Variants in COL22A1 observed in about 807,000 individuals in gnomAD.
COL22A1 encodes the protein collagen type XXII alpha 1 chain, also known as collagen alpha-1(XXII) chain.
A neutral mutation model predicts 248.9 loss-of-function variants in COL22A1; 221 were observed. The ratio of observed to expected loss-of-function variants is 0.89; its 90% CI spans 0.80 to 0.99. The LOEUF (loss-of-function observed/expected upper bound fraction) is 0.99. COL22A1 is among the 50% of genes least tolerant of loss of function. The pLI is 0.00. For missense variants in COL22A1, 2,240 were observed against 2,179.0 expected, an observed-to-expected ratio of 1.03 and a Z score of -0.56; for synonymous variants, 891 against 793.4, an observed-to-expected ratio of 1.12 and a Z score of -2.07.
At position 138,811,934 on chromosome 8, in the gene COL22A1, C is replaced by G; in HGVS notation, c.1327-13G>C. 14 of 1,533,592 alleles carry G rather than the reference C, an allele frequency of 9.1e-6. No individual in the cohort carries two copies. The highest frequency in any genetic ancestry group is 1.1e-5 in the Non-Finnish European group (13 of 1,139,276). The allele number at this position is 1,533,592 out of a possible 1,614,324, so 95.0% of individuals were successfully genotyped here. A position where few individuals can be genotyped will look rare whatever the true frequency, so the allele number is the denominator to read the frequency against. ...CGGTCACCTGGCACTGGAAGGAAAG[C>G]CCAGGAGGTCAGAACCTGGCTCTTC... is the stretch of plus-strand genomic sequence containing the variant. On this transcript the variant is annotated splice_polypyrimidine_tract_variant and intron_variant, in intron 8 of 64. Transcript: ENST00000303045.
Position 138,830,591 on chromosome 8 carries a change from G to A in COL22A1, c.845+2448C>T, listed in dbSNP as rs541937392. On this transcript the variant is annotated intron_variant, in intron 5 of 64. Transcript: ENST00000303045. ...CAGAGAACAGGAAGGAGCCAAATCC[G>A]TGACCGGAATCGGGGTCCCATGCTG... Among the ~76,000 whole-genome samples, 7 of 152,304 alleles carry A rather than the reference G, an allele frequency of 4.6e-5. No individual in the cohort carries two copies. In the South Asian group the frequency reaches 6.2e-4, roughly 14 times the overall value.
chr8:138,812,152 G>A (rs994554974), intron 8 of COL22A1, among the ~76,000 whole-genome samples: 8 of 152,184 alleles, frequency 5.3e-5, no homozygotes, highest in Non-Finnish European at 1.0e-4. Context: ...CACCTCGCAA[G>A]TGCTCAACAG....
chr8:138,870,334 A>G (rs1823231343), intron 3 of COL22A1, among the ~76,000 whole-genome samples: 1 of 150,800 alleles, frequency 6.6e-6, no homozygotes. Context: ...AATGTGTGTT[A>G]TATATGTGTG....
At position 138,660,435 on chromosome 8, in the gene COL22A1, C is replaced by T. The variant is rs1823715325; in HGVS notation, c.3285+1G>A. Reference sequence around the variant, plus strand: ...TCATCCAGAACCATAAGATGACATACCGGCTTGCCAGGAGGCCCTCTTTCT... The same window carrying T: ...TCATCCAGAACCATAAGATGACATATCGGCTTGCCAGGAGGCCCTCTTTCT... On this transcript the variant is annotated splice_donor_variant, in intron 44 of 64. Coordinates refer to ENST00000303045, the MANE Select transcript of COL22A1 (RefSeq NM_152888.3). LOFTEE classifies it high-confidence loss of function. 7.4e-6 allele frequency: 12 copies of T among 1,612,928 alleles called. No homozygotes were observed. The highest frequency in any genetic ancestry group is 9.3e-6 in the Non-Finnish European group (11 of 1,178,876).
At chr8:138,728,334 A>C (rs529139592) in intron 23 of COL22A1, among the ~76,000 whole-genome samples, 1 of 152,060 alleles carries the variant, frequency 6.6e-6, no homozygotes, top group Admixed American at 6.5e-5. Flanking sequence ...ATTTTACCTC[A>C]ACACGGTCTT....
intron 18 of COL22A1, among the ~76,000 whole-genome samples, chr8:138,756,791 G>A (rs1833040156): frequency 6.6e-6 from 1 of 152,020 alleles, no homozygotes; most frequent in South Asian, 2.1e-4. Context: ...GACCAAAATG[G>A]ATACATTTAC....
At chr8:138,701,267 T>C (rs1300567830) in intron 31 of COL22A1, among the ~76,000 whole-genome samples, 1 of 152,206 alleles carries the variant, frequency 6.6e-6, no homozygotes, top group Non-Finnish European at 1.5e-5. Flanking sequence ...AATGTAGCTA[T>C]ATCTTTGCCA....
At chr8:138,771,450 A>G (rs1586703168) in intron 16 of COL22A1, among the ~76,000 whole-genome samples, 1 of 152,146 alleles carries the variant, frequency 6.6e-6, no homozygotes, top group Non-Finnish European at 1.5e-5. Context: ...CCGCTTCACA[A>G]TCAGGAGTTC....
chr8:138,883,438 G>A (rs1001748897), intron 1 of COL22A1, among the ~76,000 whole-genome samples, 194 bp from the exon 2 acceptor site: 7 of 152,268 alleles, frequency 4.6e-5, no homozygotes, highest in Middle Eastern at 3.4e-3. Context: ...ATGGATTTAC[G>A]CCTGGATCCC....
intron 3 of COL22A1, among the ~76,000 whole-genome samples, chr8:138,859,588 G>A (rs1021685148): frequency 6.6e-6 from 1 of 152,174 alleles, no homozygotes; most frequent in Non-Finnish European, 1.5e-5. Context: ...AAACAGAGCT[G>A]TCACTGGGCA....
chr8:138,617,105 G>T, intron 53 of COL22A1, 147 bp from the exon 54 acceptor site: 1 of 803,026 alleles, frequency 1.2e-6, no homozygotes, highest in Non-Finnish European at 2.1e-6. Context: ...TTGGTGCCAT[G>T]CTCGGTGCCA....
rs1210415094 is a variant in COL22A1, at chr8:138,676,629, G to A, written c.3079C>T (p.Arg1027Ter). 7.0e-6 allele frequency: 11 copies of A among 1,560,990 alleles called. No homozygotes were observed. The highest frequency in any genetic ancestry group is 2.4e-5 in the South Asian group (2 of 84,770). The change falls in exon 41 of 65, where the codon CGA becomes TGA. Residue 1027 changes from arginine (R) to a stop codon, truncating the protein, a stop_gained. Coordinates refer to ENST00000303045, the MANE Select transcript of COL22A1 (RefSeq NM_152888.3). LOFTEE classifies it high-confidence loss of function. ...ALGGQCVKGDRGAPGIPGSPG... is the reference protein window; with the variant it reads ...ALGGQCVKGD ...GAACCAGGGATCCCAGGAGCTCCTC[G>A]ATCCCCCTAGAAAGAGAGAAAAATA...
At chr8:138,804,879 ATGTGTGTGGTGGC>A (rs1817342373) in intron 10 of COL22A1, among the ~76,000 whole-genome samples, 1 of 133,938 alleles carries the variant, frequency 7.5e-6, no homozygotes, top group Admixed American at 7.4e-5. Flanking sequence ...TGTATATGTG[ATGTGTGTGGTGGC>A]TGTGTGTGGT....
intron 3 of COL22A1, among the ~76,000 whole-genome samples, chr8:138,869,568 CTGTT>C (rs1258402611): frequency 6.6e-6 from 1 of 152,220 alleles, no homozygotes; most frequent in Non-Finnish European, 1.5e-5. Flanking sequence ...GGTTGGAAAA[CTGTT>C]TTTCTTCTTT....
At chr8:138,701,806 C>A (rs1827999089) in intron 31 of COL22A1, among the ~76,000 whole-genome samples, 3 of 152,210 alleles carry the variant, frequency 2.0e-5, no homozygotes, top group African/African-American at 7.2e-5. Flanking sequence ...CCTGGGGAGC[C>A]TGTGTTCTTA....
intron 1 of COL22A1, among the ~76,000 whole-genome samples, chr8:138,907,658 A>G (rs1236436525): frequency 6.6e-6 from 1 of 152,238 alleles, no homozygotes; most frequent in Non-Finnish European, 1.5e-5. Flanking sequence ...TTTTAATAAT[A>G]CAGACTGGGC....
chr8:138,663,687 A>T lies in COL22A1; in HGVS notation c.3186+18T>A, dbSNP rs1824187421. Reference sequence around the variant, plus strand: ...TCCTCCCATAGAAACTCATCCCTTTATTTAAAGCATACTGTACCGGGGATC... The same window carrying T: ...TCCTCCCATAGAAACTCATCCCTTTTTTTAAAGCATACTGTACCGGGGATC... On this transcript the variant is annotated intron_variant, in intron 42 of 64. Transcript: ENST00000303045. 1.3e-6 allele frequency: 2 copies of T among 1,592,860 alleles called. No individual in the cohort carries two copies. Among genetic ancestry groups the T allele is most frequent in the East Asian group, 4.5e-5 (2 of 44,778 alleles).
chr8:138,627,266 A>G (rs893501743), intron 50 of COL22A1, among the ~76,000 whole-genome samples: 1 of 152,172 alleles, frequency 6.6e-6, no homozygotes, highest in African/African-American at 2.4e-5. Context: ...TTATTTTTCA[A>G]ATTCCCTAAT....
chr8:138,857,188 C>T (rs1165622864), intron 3 of COL22A1, among the ~76,000 whole-genome samples: 2 of 152,098 alleles, frequency 1.3e-5, no homozygotes, highest in Non-Finnish European at 2.9e-5. Flanking sequence ...CTTGCCACCT[C>T]CCCACTCCTG....
Sources: gnomAD v4.1 joint callset for allele counts (sites outside exome capture counted in the v4.1 genomes callset) on GRCh38, gnomAD v4.1.1 for gene constraint, MANE v1.5 for transcripts, NCBI Gene and HGNC (gene_info 2026-07-23, HGNC 2026-07-21) for gene names.